MYO3B: variants seen among roughly 807,000 people sequenced by gnomAD.
MYO3B encodes myosin IIIB, also known as myosin-IIIb.
MYO3B carries 156 observed loss-of-function variants against 174.6 expected under a neutral mutation model. That is an observed-to-expected ratio of 0.89 (90% CI 0.78 to 1.02). The LOEUF (loss-of-function observed/expected upper bound fraction) is 1.02. Among genes scored for constraint, MYO3B ranks in the 50% least tolerant of loss-of-function variants. MYO3B has a pLI of 0.00. For missense variants in MYO3B, 1,632 were observed against 1,639.4 expected (o/e 1.00, Z 0.08); for synonymous variants, 563 against 569.1 (o/e 0.99, Z 0.15).
At chr2:170,408,301 A>T (rs2094524276) in intron 22 of MYO3B, among the ~76,000 whole-genome samples, 1 of 152,202 alleles carries the variant, frequency 6.6e-6, no homozygotes, top group Non-Finnish European at 1.5e-5. Context: ...ATTTCTACCC[A>T]GTTATGACCC....
Position 170,602,335 on chromosome 2 carries a change from A to G in MYO3B, c.3734-49293A>G, listed in dbSNP as rs1575229937. The G allele has an allele frequency of 9.0e-6, 6 of 663,540 alleles. No individual in the cohort carries two copies. In the South Asian group the frequency reaches 1.1e-4, roughly 12 times the overall value. 41.1% of individuals were successfully genotyped at this position (663,540 alleles called of 1,614,324 possible). On this transcript the variant is annotated intron_variant, in intron 32 of 34. Transcript: ENST00000408978. The stretch of plus-strand genomic sequence containing the variant: ...AGCTCAATGTACTGCAGTGGCTGTG[A>G]GAGTGGGAGCCGGGCATAGCCTCCT...
intron 8 of MYO3B, among the ~76,000 whole-genome samples, chr2:170,343,030 AACACAC>A (rs56221872): frequency 0.43 from 58,307 of 135,772 alleles, 13,669 homozygotes; most frequent in Admixed American, 0.55. Context: ...TCGGGCCTCT[AACACAC>A]ACACACACAC....
intron 17 of MYO3B, 48 bp downstream of exon 17, chr2:170,400,362 T>A: frequency 6.2e-7 from 1 of 1,605,364 alleles, no homozygotes. Context: ...AGCACGTGCT[T>A]CTTTAGGCTC....
intron 22 of MYO3B, among the ~76,000 whole-genome samples, chr2:170,423,148 AT>A (rs1003463290): frequency 6.6e-6 from 1 of 150,688 alleles, no homozygotes; most frequent in African/African-American, 2.4e-5. Flanking sequence ...CACCCAGCTA[AT>A]TTTTTGTATT....
chr2:170,558,744 T>C (rs114281718), intron 32 of MYO3B, among the ~76,000 whole-genome samples: 1 of 152,248 alleles, frequency 6.6e-6, no homozygotes, highest in Non-Finnish European at 1.5e-5. Context: ...TCATGGATGA[T>C]GGTCCCATAC....
intron 7 of MYO3B, among the ~76,000 whole-genome samples, chr2:170,258,738 G>A (rs139980167): frequency 4.0e-4 from 61 of 152,172 alleles, no homozygotes; most frequent in African/African-American, 1.5e-3. Flanking sequence ...GAAATAAAAG[G>A]CATCCATATA....
intron 32 of MYO3B, among the ~76,000 whole-genome samples, chr2:170,638,669 G>A (rs188212638): frequency 6.7e-4 from 102 of 152,228 alleles, no homozygotes; most frequent in African/African-American, 2.1e-3. Context: ...TCCCCATCAG[G>A]CATGTCTCTC....
At chr2:170,441,830 CG>C (rs1483830969) in intron 22 of MYO3B, among the ~76,000 whole-genome samples, 2 of 152,174 alleles carry the variant, frequency 1.3e-5, no homozygotes, top group African/African-American at 2.4e-5. Context: ...ATCTTGGTTT[CG>C]GTGAGATTTG....
At chr2:170,593,832 G>A (rs1400861270) in intron 32 of MYO3B, among the ~76,000 whole-genome samples, 1 of 152,126 alleles carries the variant, frequency 6.6e-6, no homozygotes, top group East Asian at 1.9e-4. Context: ...TCATTAGTCA[G>A]GAGCAACTGC....
At chr2:170,635,748 A>G (rs1697410272) in intron 32 of MYO3B, among the ~76,000 whole-genome samples, 1 of 152,178 alleles carries the variant, frequency 6.6e-6, no homozygotes, top group Admixed American at 6.5e-5. Context: ...TTGTATTTTA[A>G]ACATGTTTTC....
chr2:170,457,428 A>G (rs1306546291), intron 23 of MYO3B, among the ~76,000 whole-genome samples: 1 of 152,144 alleles, frequency 6.6e-6, no homozygotes, highest in Non-Finnish European at 1.5e-5. Context: ...ACAACTGTAC[A>G]AAAATCTTCT....
intron 28 of MYO3B, among the ~76,000 whole-genome samples, chr2:170,510,334 T>C (rs1336688627): frequency 6.6e-6 from 1 of 152,214 alleles, no homozygotes; most frequent in Non-Finnish European, 1.5e-5. Flanking sequence ...CTATTAAGTA[T>C]AATTTACATA....
intron 7 of MYO3B, among the ~76,000 whole-genome samples, chr2:170,273,048 G>A (rs185473436): frequency 3.3e-5 from 5 of 152,158 alleles, no homozygotes; most frequent in African/African-American, 9.6e-5. Context: ...TAGTGTATAT[G>A]TGTTTCCCTT....
At chr2:170,587,263 A>G (rs559087230) in intron 32 of MYO3B, among the ~76,000 whole-genome samples, 3 of 152,344 alleles carry the variant, frequency 2.0e-5, no homozygotes, top group South Asian at 2.1e-4. Context: ...ACAGTATGCC[A>G]TGTTATGCCA....
intron 7 of MYO3B, among the ~76,000 whole-genome samples, chr2:170,307,117 C>T (rs957437050): frequency 6.6e-6 from 1 of 151,856 alleles, no homozygotes; most frequent in Non-Finnish European, 1.5e-5. Context: ...ATCGTGCACA[C>T]CAGCAGTCCT....
chr2:170,572,212 G>A (rs1692480629), intron 32 of MYO3B, among the ~76,000 whole-genome samples: 1 of 152,158 alleles, frequency 6.6e-6, no homozygotes. Flanking sequence ...GGTGGATCAC[G>A]AGGTCAGGGG....
intron 3 of MYO3B, among the ~76,000 whole-genome samples, chr2:170,208,048 C>T: frequency 6.6e-6 from 1 of 152,164 alleles, no homozygotes; most frequent in East Asian, 1.9e-4. Context: ...CTCATTTATG[C>T]CACGGGTAGT....
chr2:170,476,640 A>G (rs187243092), intron 25 of MYO3B, among the ~76,000 whole-genome samples: 12 of 151,960 alleles, frequency 7.9e-5, no homozygotes. Flanking sequence ...CTGTTGTGCC[A>G]TGCTCTGCTT....
At chr2:170,303,693 A>G (rs796749725) in intron 7 of MYO3B, among the ~76,000 whole-genome samples, 7 of 152,242 alleles carry the variant, frequency 4.6e-5, no homozygotes, top group African/African-American at 1.7e-4. Flanking sequence ...AAATACTGTG[A>G]ATCTCTCCAT....
Sources: gnomAD v4.1 joint callset for allele counts (sites outside exome capture counted in the v4.1 genomes callset) on GRCh38, gnomAD v4.1.1 for gene constraint, MANE v1.5 for transcripts, NCBI Gene and HGNC (gene_info 2026-07-23, HGNC 2026-07-21) for gene names.